The following SGCD variants were observed in gnomAD, a reference collection of about 807,000 sequenced individuals.
The protein encoded by SGCD is sarcoglycan delta.
Under a neutral mutation model 36.6 loss-of-function variants are expected in SGCD, and 18 were observed. The observed-to-expected ratio is 0.49, with a 90% CI of 0.34 to 0.73. The LOEUF (loss-of-function observed/expected upper bound fraction) is 0.73. Among genes scored for constraint, SGCD ranks in the 30% least tolerant of loss-of-function variants. The pLI is 0.01. For missense variants in SGCD, 387 were observed against 346.7 expected (o/e 1.12, Z -0.92); for synonymous variants, 133 against 130.6 (o/e 1.02, Z -0.12).
intron 3 of SGCD, among the ~76,000 whole-genome samples, chr5:156,503,503 G>A (rs1756548502): frequency 6.6e-6 from 1 of 152,110 alleles, no homozygotes; most frequent in Admixed American, 6.6e-5. Context: ...TAAAATCAAA[G>A]TGACATTAAT....
chr5:156,187,856 G>C (rs1257228334), intron 3 of SGCD, among the ~76,000 whole-genome samples: 1 of 152,184 alleles, frequency 6.6e-6, no homozygotes, highest in Non-Finnish European at 1.5e-5. Context: ...TTCTGTGTAA[G>C]ACTGACAAAG....
chr5:156,057,951 G>T (rs112758000), intron 1 of SGCD, among the ~76,000 whole-genome samples: 3 of 146,012 alleles, frequency 2.1e-5, no homozygotes, highest in African/African-American at 7.4e-5. Context: ...ATAACTCAAA[G>T]GAATCAAGTT....
In SGCD at chr5:156,534,884, G is replaced by A. The variant is rs569942153; in HGVS notation, c.294+26182G>A. On this transcript the variant is annotated intron_variant, in intron 4 of 8. Transcript: ENST00000337851. ...GACCACTATTATTACTAGAGGCTTC[G>A]TGATAGAAGAAAGCCCTGAGAAAAG... is the stretch of plus-strand genomic sequence containing the variant. 7.9e-5 allele frequency among the ~76,000 whole-genome samples: 12 copies of A among 152,276 alleles called. No homozygotes were observed. The East Asian group carries it at 9.6e-4, about 12-fold the overall frequency.
intron 1 of SGCD, among the ~76,000 whole-genome samples, chr5:155,905,066 A>G (rs2113344833): frequency 6.6e-6 from 1 of 152,286 alleles, no homozygotes; most frequent in South Asian, 2.1e-4. Flanking sequence ...TCTTTCTTGA[A>G]GGGTTGTTGC....
chr5:155,911,242 C>A (rs1432749259), intron 1 of SGCD, among the ~76,000 whole-genome samples: 3 of 151,530 alleles, frequency 2.0e-5, no homozygotes, highest in Non-Finnish European at 4.4e-5. Flanking sequence ...CATTTCTACA[C>A]TTTATTGCTA....
At chr5:156,107,092 C>G (rs1304008856) in intron 1 of SGCD, among the ~76,000 whole-genome samples, 2 of 152,134 alleles carry the variant, frequency 1.3e-5, no homozygotes, top group African/African-American at 4.8e-5. Flanking sequence ...TACAGTCACT[C>G]TATTTTTCTG....
At chr5:156,514,888 A>G (rs1173946265) in intron 4 of SGCD, among the ~76,000 whole-genome samples, 1 of 152,194 alleles carries the variant, frequency 6.6e-6, no homozygotes, top group African/African-American at 2.4e-5. Flanking sequence ...TTAACTGTTA[A>G]TACAGAACTT....
intron 1 of SGCD, among the ~76,000 whole-genome samples, chr5:156,043,429 G>A (rs1759685806): frequency 6.6e-6 from 1 of 152,114 alleles, no homozygotes; most frequent in Admixed American, 6.5e-5. Context: ...ATCTCCAGCA[G>A]CAACTGTCTA....
Position 156,760,512 on chromosome 5 carries a change from T to C in SGCD, c.*1122T>C, listed in dbSNP as rs962080133. The C allele has an allele frequency of 6.6e-6, 1 of 152,494 alleles. No individual in the cohort carries two copies. Among genetic ancestry groups the C allele is most frequent in the Non-Finnish European group, 1.5e-5 (1 of 68,042 alleles). The allele number at this position is 152,494 out of a possible 1,614,324, so 9.4% of individuals were successfully genotyped here. ...TATTTTTTCAGTGCCGGGATATTCATATTCCTAAAGCCACTATTGTGTTTT... is the reference window on the plus strand; with the variant it reads ...TATTTTTTCAGTGCCGGGATATTCACATTCCTAAAGCCACTATTGTGTTTT... On this transcript the variant is annotated 3_prime_UTR_variant, in exon 9 of 9. Transcript: ENST00000337851.
chr5:156,157,532 A>G (rs1762992652), intron 3 of SGCD, among the ~76,000 whole-genome samples: 1 of 151,748 alleles, frequency 6.6e-6, no homozygotes, highest in Admixed American at 6.6e-5. Context: ...ACTTTGCCAT[A>G]AACTCTACAA....
chr5:156,729,910 C>A (rs534549172), intron 7 of SGCD, among the ~76,000 whole-genome samples: 1 of 152,228 alleles, frequency 6.6e-6, no homozygotes, highest in African/African-American at 2.4e-5. Context: ...GTGCAAAAAT[C>A]CCAAGAGGCC....
intron 4 of SGCD, among the ~76,000 whole-genome samples, chr5:156,560,507 G>C (rs1182080784): frequency 6.6e-6 from 1 of 152,106 alleles, no homozygotes; most frequent in Non-Finnish European, 1.5e-5. Context: ...TGCACCTGTA[G>C]GCTATGTTTA....
intron 1 of SGCD, among the ~76,000 whole-genome samples, chr5:155,944,509 G>C (rs542741072): frequency 2.6e-5 from 4 of 152,072 alleles, no homozygotes; most frequent in Non-Finnish European, 5.9e-5. Context: ...AGATTACCTC[G>C]TTGGGTCACA....
In SGCD at chr5:156,487,095, C is replaced by T. The variant is rs78752619; in HGVS notation, c.193-21506C>T. On this transcript the variant is annotated intron_variant, in intron 3 of 8. Transcript: ENST00000337851. ...CAGAGGTGGTATATGCTGCCAGGAA[C>T]CCGAAGATGCATACCCAGCCTGCTG... Among the ~76,000 whole-genome samples, 145 of 152,180 alleles carry T rather than the reference C, an allele frequency of 9.5e-4. 1 individual carries two copies. The highest frequency in any genetic ancestry group is 6.8e-3 in the Middle Eastern group (2 of 294).
intron 3 of SGCD, among the ~76,000 whole-genome samples, chr5:156,238,391 G>A (rs1437251524): frequency 6.6e-6 from 1 of 152,152 alleles, no homozygotes; most frequent in Non-Finnish European, 1.5e-5. Context: ...ACCCTCCAGT[G>A]GTGTCGGCTG....
At chr5:155,847,523 G>C in the SGCD span, among the ~76,000 whole-genome samples, 1 of 152,134 alleles carries the variant, frequency 6.6e-6, no homozygotes, top group Non-Finnish European at 1.5e-5. Flanking sequence ...CTCTGGACTT[G>C]CCTGAGACTA....
rs1414698237 is a variant in SGCD at position 156,648,286 on chromosome 5, G to C, written c.575+750G>C. ...TGGCTTTTTTTTTTCATTTCTGGTAGTTCTTTTACCTAAAAGCAATCATAA... is the reference window on the plus strand; with the variant it reads ...TGGCTTTTTTTTTTCATTTCTGGTACTTCTTTTACCTAAAAGCAATCATAA... On this transcript the variant is annotated intron_variant, in intron 7 of 8. Coordinates refer to ENST00000337851, the MANE Select transcript of SGCD (RefSeq NM_000337.6). Among the ~76,000 whole-genome samples, 8 of 149,344 alleles carry C rather than the reference G, an allele frequency of 5.4e-5. 1 individual carries two copies. The highest frequency in any genetic ancestry group is 5.3e-4 in the Admixed American group (8 of 15,036).
rs890167760 is a variant in SGCD at position 156,095,275 on chromosome 5, C to T, written c.-281-22603C>T. The stretch of plus-strand genomic sequence containing the variant: ...TTAGGGATATCAAAAAAGAGGTCCA[C>T]GTGCAGGGGAGGGGAGATGGAAAAT... On this transcript the variant is annotated intron_variant, in intron 1 of 9. Coordinates refer to the SGCD transcript ENST00000517913. Among the ~76,000 whole-genome samples the T allele has an allele frequency of 7.9e-5, 12 of 152,242 alleles. No individual in the cohort carries two copies. The East Asian group carries it at 9.7e-4, about 12-fold the overall frequency.
At chr5:156,625,333 A>G (rs1762400289) in intron 6 of SGCD, among the ~76,000 whole-genome samples, 1 of 152,218 alleles carries the variant, frequency 6.6e-6, no homozygotes, top group East Asian at 1.9e-4. Flanking sequence ...AAAGCTAATT[A>G]GATACAGTTG....
Sources: allele counts gnomAD v4.1 joint callset (sites outside exome capture counted in the v4.1 genomes callset), GRCh38; gene constraint gnomAD v4.1.1; transcripts MANE v1.5; gene names NCBI Gene and HGNC (gene_info 2026-07-23, HGNC 2026-07-21).